Variants in CDYL2 observed in about 807,000 individuals in gnomAD.
The protein encoded by CDYL2 is chromodomain Y-like protein 2.
Under a neutral mutation model 49.4 loss-of-function variants are expected in CDYL2, and 23 were observed. The observed-to-expected ratio is 0.47, with a 90% CI of 0.34 to 0.66. CDYL2 has a LOEUF of 0.66. Among genes scored for constraint, CDYL2 ranks in the 30% least tolerant of loss-of-function variants. The probability of loss-of-function intolerance (pLI) is 0.01; values close to 1 mark genes in which losing one functional copy is unlikely to be tolerated. For missense variants in CDYL2, 678 were observed against 656.4 expected (o/e 1.03, Z -0.36); for synonymous variants, 360 against 268.8 (o/e 1.34, Z -3.32).
chr16:80,801,555 C>T (rs542020933), intron 1 of CDYL2, among the ~76,000 whole-genome samples: 3 of 152,308 alleles, frequency 2.0e-5, no homozygotes, highest in South Asian at 2.1e-4. Flanking sequence ...CAATTACAAA[C>T]GTAAGAACTC....
At chr16:80,659,098 T>TGGAC (rs895837881) in intron 2 of CDYL2, among the ~76,000 whole-genome samples, 3 of 132,850 alleles carry the variant, frequency 2.3e-5, no homozygotes, top group Non-Finnish European at 4.7e-5. Context: ...GATGGATGGA[T>TGGAC]GGACAGACGG....
intron 2 of CDYL2, among the ~76,000 whole-genome samples, chr16:80,670,399 C>T (rs1056712727): frequency 1.3e-5 from 2 of 152,162 alleles, no homozygotes; most frequent in Admixed American, 1.3e-4. Flanking sequence ...CTCCTTGCTG[C>T]CACCACATGA....
At chr16:80,777,962 T>TAA (rs148563316) in intron 1 of CDYL2, among the ~76,000 whole-genome samples, 44 of 150,988 alleles carry the variant, frequency 2.9e-4, no homozygotes, top group Middle Eastern at 3.4e-3. Flanking sequence ...AATACTAAAA[T>TAA]AAAAAAAAAT....
At chr16:80,642,503 A>G (rs1908144173) in intron 2 of CDYL2, among the ~76,000 whole-genome samples, 1 of 152,190 alleles carries the variant, frequency 6.6e-6, no homozygotes. Flanking sequence ...TAGTGTTGTT[A>G]TAAGCTTAAA....
At chr16:80,731,809 T>C (rs958946384) in intron 1 of CDYL2, among the ~76,000 whole-genome samples, 2 of 152,080 alleles carry the variant, frequency 1.3e-5, no homozygotes, top group African/African-American at 4.8e-5. Context: ...ACTTTCCATC[T>C]AACTCTCTGA....
At chr16:80,679,679 A>T (rs904327316) in intron 2 of CDYL2, 3 of 455,940 alleles carry the variant, frequency 6.6e-6, no homozygotes, top group African/African-American at 6.0e-5. Flanking sequence ...ACAAAGTCTT[A>T]TGAATGCCAA....
At position 80,600,614 on chromosome 16, in the gene CDYL2, T is replaced by C. The variant is rs866599587; in HGVS notation, c.*3774A>G. 1.3e-5 allele frequency: 2 copies of C among 152,176 alleles called. No homozygotes were observed. The highest frequency in any genetic ancestry group is 2.1e-4 in the South Asian group (1 of 4,830). The allele number at this position is 152,176 out of a possible 1,614,324, so 9.4% of individuals were successfully genotyped here. Reference sequence around the variant, plus strand: ...ATATTAGTGAGAGTGTCTAAACTAATATATACAACAGATATAAGTGTCTGA... The same window carrying C: ...ATATTAGTGAGAGTGTCTAAACTAACATATACAACAGATATAAGTGTCTGA... On this transcript the variant is annotated 3_prime_UTR_variant, in exon 7 of 7. Coordinates refer to ENST00000570137, the MANE Select transcript of CDYL2 (RefSeq NM_152342.4).
At chr16:80,624,608 G>T (rs1409551838) in intron 3 of CDYL2, among the ~76,000 whole-genome samples, 1 of 152,148 alleles carries the variant, frequency 6.6e-6, no homozygotes, top group Non-Finnish European at 1.5e-5. Context: ...GGAAATACAA[G>T]TTGGCATACT....
At chr16:80,723,683 A>G (rs1158580036) in intron 1 of CDYL2, among the ~76,000 whole-genome samples, 2 of 152,228 alleles carry the variant, frequency 1.3e-5, no homozygotes, top group Admixed American at 1.3e-4. Context: ...TTTTATTGAT[A>G]ACACAGCTGT....
chr16:80,771,776 G>A lies in CDYL2; in HGVS notation c.24+32374C>T, dbSNP rs1019390539. On this transcript the variant is annotated intron_variant, in intron 1 of 6. Transcript: ENST00000570137. ...AAAACTGCAGAGCAGATTTCTAGAA[G>A]TAAAAAATATAATGCCCAAAATTAA... Among the ~76,000 whole-genome samples the A allele has an allele frequency of 2.0e-5, 3 of 151,986 alleles. 1 individual carries two copies. The highest frequency in any genetic ancestry group is 4.4e-5 in the Non-Finnish European group (3 of 67,982).
intron 2 of CDYL2, among the ~76,000 whole-genome samples, chr16:80,651,803 G>C (rs1908594972): frequency 6.6e-6 from 1 of 152,190 alleles, no homozygotes; most frequent in Non-Finnish European, 1.5e-5. Flanking sequence ...AGTTGAAAAA[G>C]TTGATTCCCA....
At chr16:80,653,850 G>T (rs945817158) in intron 2 of CDYL2, among the ~76,000 whole-genome samples, 1 of 152,212 alleles carries the variant, frequency 6.6e-6, no homozygotes, top group African/African-American at 2.4e-5. Flanking sequence ...TGTACACAGG[G>T]ATCATGGGAG....
chr16:80,655,949 C>T (rs1597152028), intron 2 of CDYL2, among the ~76,000 whole-genome samples: 3 of 152,158 alleles, frequency 2.0e-5, no homozygotes. Context: ...CATGTTGGAA[C>T]TGTGGAAGCT....
At chr16:80,633,399 G>A (rs564959981) in intron 2 of CDYL2, among the ~76,000 whole-genome samples, 163 bp from the exon 3 acceptor site, 58 of 152,344 alleles carry the variant, frequency 3.8e-4, no homozygotes, top group African/African-American at 1.3e-3. Context: ...GGAAGGTGAA[G>A]AGACAGGCTG....
Position 80,722,462 on chromosome 16 carries a change from G to A in CDYL2, c.25-37333C>T, listed in dbSNP as rs1395724127. The stretch of plus-strand genomic sequence containing the variant: ...ACCCTGATCTCCCAAACACTTCCCA[G>A]CTCCTCTGGATGAGACACCTTATCG... On this transcript the variant is annotated intron_variant, in intron 1 of 6. Transcript: ENST00000570137. 2.6e-5 allele frequency among the ~76,000 whole-genome samples: 4 copies of A among 152,186 alleles called. No individual in the cohort carries two copies. In the East Asian group the frequency reaches 7.7e-4, roughly 29 times the overall value.
chr16:80,651,025 T>A (rs1908560624), intron 2 of CDYL2, among the ~76,000 whole-genome samples: 1 of 151,598 alleles, frequency 6.6e-6, no homozygotes, highest in Non-Finnish European at 1.5e-5. Flanking sequence ...ATAGAAACAA[T>A]GAATAAGACC....
At chr16:80,796,454 A>G (rs1907771118) in intron 1 of CDYL2, among the ~76,000 whole-genome samples, 1 of 152,216 alleles carries the variant, frequency 6.6e-6, no homozygotes. Flanking sequence ...TTTCCACCTT[A>G]GCCCTCCTCA....
chr16:80,740,136 A>G (rs1905683920), intron 1 of CDYL2, among the ~76,000 whole-genome samples: 2 of 152,238 alleles, frequency 1.3e-5, no homozygotes, highest in African/African-American at 2.4e-5. Context: ...TGACAACCAC[A>G]TGGACAAGTT....
chr16:80,605,576 T>C (rs1476274755), intron 6 of CDYL2, among the ~76,000 whole-genome samples: 2 of 150,552 alleles, frequency 1.3e-5, no homozygotes, highest in African/African-American at 2.4e-5. Context: ...ATAGTAACAA[T>C]AGTAATAATC....
Sources: gnomAD v4.1 joint callset for allele counts (sites outside exome capture counted in the v4.1 genomes callset) on GRCh38, gnomAD v4.1.1 for gene constraint, MANE v1.5 for transcripts, NCBI Gene and HGNC (gene_info 2026-07-23, HGNC 2026-07-21) for gene names.